KLHL5: variants seen among roughly 807,000 people sequenced by gnomAD.
The protein encoded by KLHL5 is kelch-like protein 5.
In KLHL5, 48 loss-of-function variants were observed where a neutral mutation model predicts 77.7. That is an observed-to-expected ratio of 0.62 (90% CI 0.49 to 0.79). The LOEUF (loss-of-function observed/expected upper bound fraction) is 0.79. KLHL5 is among the 30% of genes least tolerant of loss of function. The pLI is 0.00. For missense variants in KLHL5, 723 were observed against 859.7 expected, an observed-to-expected ratio of 0.84 and a Z score of 1.99; for synonymous variants, 260 against 297.0, an observed-to-expected ratio of 0.88 and a Z score of 1.28.
intron 1 of KLHL5, among the ~76,000 whole-genome samples, chr4:39,047,878 C>T (rs567798045): frequency 4.9e-4 from 74 of 152,254 alleles, no homozygotes; most frequent in African/African-American, 1.3e-3. Context: ...GTGGAAAGAG[C>T]GAAGATTTGA....
At chr4:39,051,710 A>AAAAC (rs78494320) in intron 1 of KLHL5, among the ~76,000 whole-genome samples, 15 of 116,992 alleles carry the variant, frequency 1.3e-4, no homozygotes, top group African/African-American at 2.1e-4. Context: ...AAAAAAAGAA[A>AAAAC]AAACAAACAA....
Position 39,124,821 on chromosome 4 carries a change from A to AAAAAAAAAAAAAAAAC in KLHL5, c.*3760_*3761insAAAAAAAAAACAAAAA, listed in dbSNP as rs1723432289. On this transcript the variant is annotated 3_prime_UTR_variant, in exon 11 of 11. Coordinates refer to ENST00000504108, the MANE Select transcript of KLHL5 (RefSeq NM_015990.5). Reference sequence around the variant, plus strand: ...CAACAGCAAAAAAAAAAAAAAAAAAAAAAAATCAAAATTAAAAGCTTCTAC... The same window carrying AAAAAAAAAAAAAAAAC: ...CAACAGCAAAAAAAAAAAAAAAAAAAAAAAAAAAAAAAAAACAAAAATCAAAATTAAAAGCTTCTAC... Among the ~76,000 whole-genome samples, 1 of 149,404 alleles carries AAAAAAAAAAAAAAAAC rather than the reference A, an allele frequency of 6.7e-6. No homozygotes were observed. The highest frequency in any genetic ancestry group is 1.5e-5 in the Non-Finnish European group (1 of 67,492).
intron 1 of KLHL5, among the ~76,000 whole-genome samples, chr4:39,055,944 A>G (rs985278908): frequency 1.3e-5 from 2 of 152,266 alleles, no homozygotes; most frequent in South Asian, 4.1e-4. Context: ...ACTTATAGGT[A>G]TATATTACAG....
At chr4:39,091,415 T>C (rs150727981) in intron 5 of KLHL5, among the ~76,000 whole-genome samples, 41 of 151,406 alleles carry the variant, frequency 2.7e-4, no homozygotes, top group Non-Finnish European at 4.6e-4. Context: ...TATTTTACTT[T>C]TGAAAGCATT....
chr4:39,073,881 T>A (rs948820264), intron 1 of KLHL5, among the ~76,000 whole-genome samples: 2 of 151,680 alleles, frequency 1.3e-5, no homozygotes, highest in Non-Finnish European at 2.9e-5. Context: ...TTAGCCAGGA[T>A]GGACTCAATC....
At chr4:39,082,836 T>C (rs1719735753) in intron 4 of KLHL5, among the ~76,000 whole-genome samples, 1 of 152,082 alleles carries the variant, frequency 6.6e-6, no homozygotes, top group Non-Finnish European at 1.5e-5. Context: ...GTTGAGAGCA[T>C]AGTGTTAGGA....
At chr4:39,082,272 T>C (rs914761165) in intron 4 of KLHL5, 113 bp downstream of exon 4, 23 of 794,866 alleles carry the variant, frequency 2.9e-5, no homozygotes, top group Non-Finnish European at 3.8e-5. Flanking sequence ...GTCTTGCGAT[T>C]GAGCTTCATT....
At chr4:39,098,611 T>G (rs1193381477) in intron 6 of KLHL5, among the ~76,000 whole-genome samples, 1 of 151,698 alleles carries the variant, frequency 6.6e-6, no homozygotes. Context: ...TCACCCAGGC[T>G]GGAGTGCAGT....
intron 4 of KLHL5, among the ~76,000 whole-genome samples, chr4:39,083,941 A>C (rs1719833642): frequency 6.6e-6 from 1 of 152,168 alleles, no homozygotes. Context: ...ATTCAGTTTT[A>C]ACAGAGACAT....
rs1272398552 is a variant in KLHL5, at chr4:39,123,792, G to A, written c.*2726G>A. Among the ~76,000 whole-genome samples, 1 of 152,066 alleles carries A rather than the reference G, an allele frequency of 6.6e-6. No individual in the cohort carries two copies. Among genetic ancestry groups the A allele is most frequent in the Non-Finnish European group, 1.5e-5 (1 of 67,996 alleles). On this transcript the variant is annotated 3_prime_UTR_variant, in exon 11 of 11. Transcript: ENST00000504108. ...TTGAAAATTTTTCCCCTAATATCATGAAAATTCCTGATTTCCCCACTGCTA... is the reference window on the plus strand; with the variant it reads ...TTGAAAATTTTTCCCCTAATATCATAAAAATTCCTGATTTCCCCACTGCTA...
intron 1 of KLHL5, among the ~76,000 whole-genome samples, chr4:39,047,274 C>T (rs1716263082): frequency 6.6e-6 from 1 of 152,026 alleles, no homozygotes; most frequent in Admixed American, 6.6e-5. Context: ...AAAAATTAGC[C>T]GGGAGTGGTG....
intron 4 of KLHL5, among the ~76,000 whole-genome samples, chr4:39,083,051 G>A (rs1001915000): frequency 6.6e-6 from 1 of 152,106 alleles, no homozygotes; most frequent in Non-Finnish European, 1.5e-5. Flanking sequence ...TACAGTTATG[G>A]ATATTACCAA....
intron 6 of KLHL5, among the ~76,000 whole-genome samples, chr4:39,101,325 T>A (rs943264358): frequency 1.3e-5 from 2 of 151,862 alleles, no homozygotes; most frequent in African/African-American, 2.4e-5. Flanking sequence ...GCTTTTTATT[T>A]GTTGGAGGGA....
intron 6 of KLHL5, among the ~76,000 whole-genome samples, chr4:39,100,274 A>G (rs182968605): frequency 2.0e-4 from 30 of 152,326 alleles, no homozygotes; most frequent in Non-Finnish European, 3.8e-4. Flanking sequence ...AAGCACCCAA[A>G]GTAAACAATT....
chr4:39,088,125 C>T (rs957291979), intron 5 of KLHL5, among the ~76,000 whole-genome samples: 4 of 152,086 alleles, frequency 2.6e-5, no homozygotes, highest in Non-Finnish European at 1.5e-5. Context: ...GAAATCAAAC[C>T]GAATTTGAAA....
chr4:39,099,907 T>A (rs562036122), intron 6 of KLHL5, among the ~76,000 whole-genome samples: 2 of 152,350 alleles, frequency 1.3e-5, no homozygotes, highest in Non-Finnish European at 1.5e-5. Context: ...CTGCAAATAC[T>A]TATTAAGTAT....
At chr4:39,092,685 A>C (rs1720694054) in intron 5 of KLHL5, among the ~76,000 whole-genome samples, 1 of 152,172 alleles carries the variant, frequency 6.6e-6, no homozygotes, top group Admixed American at 6.5e-5. Context: ...TTTCGTATGC[A>C]GTGCTAGTTT....
chr4:39,118,466 A>C (rs2109607160), intron 10 of KLHL5, among the ~76,000 whole-genome samples: 1 of 152,290 alleles, frequency 6.6e-6, no homozygotes, highest in East Asian at 1.9e-4. Flanking sequence ...TTAAGAGCAA[A>C]GACTGGGGGC....
chr4:39,132,173 C>CA, the KLHL5 span, among the ~76,000 whole-genome samples: 3 of 151,238 alleles, frequency 2.0e-5, no homozygotes, highest in Admixed American at 2.0e-4. Context: ...CAGGAGACTA[C>CA]AAAAAAAGGA....
Sources: allele counts gnomAD v4.1 joint callset (sites outside exome capture counted in the v4.1 genomes callset), GRCh38; gene constraint gnomAD v4.1.1; transcripts MANE v1.5; gene names NCBI Gene and HGNC (gene_info 2026-07-23, HGNC 2026-07-21).